The following PLCH1 variants were observed in gnomAD, a reference collection of about 807,000 sequenced individuals.
PLCH1 encodes 1-phosphatidylinositol 4,5-bisphosphate phosphodiesterase eta-1.
A neutral mutation model predicts 126.7 loss-of-function variants in PLCH1; 60 were observed. The ratio of observed to expected loss-of-function variants is 0.47; its 90% CI spans 0.38 to 0.59. The LOEUF (loss-of-function observed/expected upper bound fraction) is 0.59, where lower values mean the gene tolerates loss of function less well. Among genes scored for constraint, PLCH1 ranks in the 20% least tolerant of loss-of-function variants. The pLI, the probability that PLCH1 is intolerant of heterozygous loss-of-function variation, is 0.00. For missense variants in PLCH1, 1,723 were observed against 2,040.0 expected, an observed-to-expected ratio of 0.84 and a Z score of 2.99; for synonymous variants, 719 against 734.9, an observed-to-expected ratio of 0.98 and a Z score of 0.35.
chr3:155,476,140 A>G (rs1307440824), downstream of PLCH1, among the ~76,000 whole-genome samples: 1 of 152,114 alleles, frequency 6.6e-6, no homozygotes, highest in Non-Finnish European at 1.5e-5. Flanking sequence ...TCACCCATGG[A>G]TGGTCCAACA....
At chr3:155,556,916 C>A (rs2108480530) in intron 8 of PLCH1, among the ~76,000 whole-genome samples, 1 of 152,264 alleles carries the variant, frequency 6.6e-6, no homozygotes. Context: ...CTCTGCAGAA[C>A]CCCGACTAAT....
rs1210490665 is a variant in PLCH1, at chr3:155,587,924, A to G, written c.471-1730T>C. 1.5e-4 allele frequency among the ~76,000 whole-genome samples: 23 copies of G among 152,316 alleles called. 1 individual carries two copies. Among genetic ancestry groups the G allele is most frequent in the Non-Finnish European group, 1.0e-4 (7 of 68,030 alleles). On this transcript the variant is annotated intron_variant, in intron 4 of 22. Coordinates refer to ENST00000460012, the MANE Select transcript of PLCH1 (RefSeq NM_014996.4). The stretch of plus-strand genomic sequence containing the variant: ...AAACTTCAATATTGAAGGGTAATGG[A>G]GAGGAAAAGAATAAGGTGATAGATA...
intron 2 of PLCH1, among the ~76,000 whole-genome samples, chr3:155,621,919 A>G (rs764908196): frequency 6.6e-6 from 1 of 152,174 alleles, no homozygotes; most frequent in Admixed American, 6.5e-5. Context: ...GAACACCACA[A>G]AGATAATCCT....
intron 2 of PLCH1, among the ~76,000 whole-genome samples, chr3:155,626,746 G>T (rs1252351946): frequency 3.9e-4 from 46 of 119,208 alleles, no homozygotes; most frequent in Admixed American, 1.1e-3. Flanking sequence ...TCCAGCCTGG[G>T]CCACAGAGCG....
Position 155,482,796 on chromosome 3 carries a change from G to T in PLCH1, c.3230C>A (p.Ser1077Tyr). Residue 1077 changes from serine to tyrosine, a missense_variant, in exon 23 of 23, where the codon TCC (serine) becomes TAC (tyrosine). Ser to Tyr is a moderately radical substitution (Grantham distance 144). Around this residue, in one of 2 missense-constraint regions of PLCH1, gnomAD observed 947 missense variants for 977.1 expected, o/e 0.97. Transcript: ENST00000460012. ...ATCGGGAGCCAAATGCTGCTTTGGGGAGAGAGACTTGCTGGGACAGGGGTT... is the reference window on the plus strand; with the variant it reads ...ATCGGGAGCCAAATGCTGCTTTGGGTAGAGAGACTTGCTGGGACAGGGGTT... ...QENPCPSKSL[S>Y]PKQHLAPDPV... 6.2e-7 allele frequency: 1 copy of T among 1,614,148 alleles called. No individual in the cohort carries two copies. The highest frequency in any genetic ancestry group is 8.5e-7 in the Non-Finnish European group (1 of 1,180,018).
rs570326500 is a variant in PLCH1 at position 155,621,424 on chromosome 3, A to G, written c.80-25046T>C. 2.0e-5 allele frequency among the ~76,000 whole-genome samples: 3 copies of G among 152,346 alleles called. No homozygotes were observed. The Middle Eastern group carries it at 0.01, about 518-fold the overall frequency. ...TGGAGAATGAGTTTGACGAATTGAC[A>G]GAAGTAGGCTTCAGAAGGTGAGTAA... On this transcript the variant is annotated intron_variant, in intron 2 of 22. Transcript: ENST00000460012.
At chr3:155,637,373 T>C (rs1241814986) in intron 2 of PLCH1, among the ~76,000 whole-genome samples, 1 of 152,196 alleles carries the variant, frequency 6.6e-6, no homozygotes, top group Non-Finnish European at 1.5e-5. Context: ...GAAAGTTCTA[T>C]ATGACTTTGG....
intron 2 of PLCH1, among the ~76,000 whole-genome samples, chr3:155,641,608 C>CCTTTGTGTTAGG (rs1440547070): frequency 2.0e-5 from 3 of 152,030 alleles, no homozygotes; most frequent in African/African-American, 7.3e-5. Context: ...GTTCCTAACA[C>CCTTTGTGTTAGG]AAAGAATGAC....
intron 2 of PLCH1, among the ~76,000 whole-genome samples, chr3:155,655,106 C>T (rs971086495): frequency 6.6e-6 from 1 of 152,144 alleles, no homozygotes; most frequent in Non-Finnish European, 1.5e-5. Flanking sequence ...ACTCAAATAT[C>T]ACCTCTTATA....
chr3:155,586,419 GT>G (rs1024963853), intron 4 of PLCH1, among the ~76,000 whole-genome samples: 8 of 152,112 alleles, frequency 5.3e-5, no homozygotes, highest in African/African-American at 1.9e-4. Flanking sequence ...GGGTAAGGGG[GT>G]TCCCGGCTGG....
At chr3:155,744,679 C>A (rs1749861073) in intron 1 of PLCH1, among the ~76,000 whole-genome samples, 161 bp downstream of exon 1, 2 of 152,152 alleles carry the variant, frequency 1.3e-5, no homozygotes, top group African/African-American at 2.4e-5. Flanking sequence ...GGGATCCCCA[C>A]GCACAGCACT....
intron 1 of PLCH1, among the ~76,000 whole-genome samples, chr3:155,732,221 C>T (rs1477647363): frequency 7.2e-5 from 11 of 151,854 alleles, no homozygotes; most frequent in Non-Finnish European, 1.5e-5. Context: ...TATTAAAAAT[C>T]ATTTTAAAAG....
chr3:155,492,518 T>C (rs1194893457), intron 18 of PLCH1, among the ~76,000 whole-genome samples: 8 of 152,218 alleles, frequency 5.3e-5, no homozygotes, highest in African/African-American at 1.9e-4. Flanking sequence ...GTGAATTCAA[T>C]TGTGTGCTCT....
At chr3:155,516,660 A>T (rs73011584) in intron 11 of PLCH1, among the ~76,000 whole-genome samples, 1 of 152,032 alleles carries the variant, frequency 6.6e-6, no homozygotes, top group Non-Finnish European at 1.5e-5. Flanking sequence ...CATCAGGCAC[A>T]CTGGGCCCCA....
At chr3:155,492,331 G>A (rs1716336453) in intron 18 of PLCH1, among the ~76,000 whole-genome samples, 1 of 152,230 alleles carries the variant, frequency 6.6e-6, no homozygotes, top group Non-Finnish European at 1.5e-5. Flanking sequence ...ACATGGCCAA[G>A]GAGCAGGTGG....
chr3:155,482,001 AG>A lies in PLCH1; in HGVS notation c.4024del (p.Leu1342SerfsTer22). 2.5e-6 allele frequency: 4 copies of A among 1,614,192 alleles called. No homozygotes were observed. Among genetic ancestry groups the A allele is most frequent in the Non-Finnish European group, 3.4e-6 (4 of 1,180,022 alleles). ...TLEDVIADPT[L>X]CFNSGESSLV... Reference sequence around the variant, plus strand: ...GCTGCTCTCCCCAGAATTGAAACAGAGAGTGGGATCAGCTATTACATCCTCC... The same window carrying A: ...GCTGCTCTCCCCAGAATTGAAACAGAAGTGGGATCAGCTATTACATCCTCC... On this transcript the variant is annotated frameshift_variant, in exon 23 of 23. Transcript: ENST00000460012. LOFTEE classifies it low-confidence loss of function (END_TRUNC).
chr3:155,610,329 C>G (rs1734885376), intron 2 of PLCH1, among the ~76,000 whole-genome samples: 1 of 141,898 alleles, frequency 7.0e-6, no homozygotes, highest in Non-Finnish European at 1.5e-5. Context: ...CCATTGCACT[C>G]CAGCCTGGGC....
rs1246200263 is a variant in PLCH1, at chr3:155,505,302, C to T, written c.1633-676G>A. On this transcript the variant is annotated intron_variant, in intron 12 of 22. Transcript: ENST00000460012. ...TTTCCAGTTAGAGATACTGGGCCAA[C>T]TCTCTTTCCTGGAGCCTATGTCTCA... Among the ~76,000 whole-genome samples the T allele has an allele frequency of 6.6e-5, 10 of 152,186 alleles. No homozygotes were observed. In the South Asian group the frequency reaches 1.4e-3, roughly 22 times the overall value.
chr3:155,519,225 C>T (rs1371915329), intron 11 of PLCH1, among the ~76,000 whole-genome samples: 4 of 152,264 alleles, frequency 2.6e-5, no homozygotes, highest in Admixed American at 6.5e-5. Flanking sequence ...GCAGCAGGGA[C>T]CACAGCTGAA....
Sources: allele counts gnomAD v4.1 joint callset (sites outside exome capture counted in the v4.1 genomes callset), GRCh38; gene constraint gnomAD v4.1.1; regional missense constraint gnomAD v4.1.1; transcripts MANE v1.5; gene names NCBI Gene and HGNC (gene_info 2026-07-23, HGNC 2026-07-21).